Variants in PELI1 observed in about 807,000 individuals in gnomAD.
PELI1 encodes the protein pellino E3 ubiquitin protein ligase 1, also known as E3 ubiquitin-protein ligase pellino homolog 1.
A neutral mutation model predicts 41.3 loss-of-function variants in PELI1; 15 were observed. The ratio of observed to expected loss-of-function variants is 0.36; its 90% confidence interval spans 0.24 to 0.56. The LOEUF (loss-of-function observed/expected upper bound fraction) is 0.56, where lower values mean the gene tolerates loss of function less well. Ranked by LOEUF, PELI1 falls within the 20% of genes least tolerant of loss-of-function variation. The pLI is 0.82. For synonymous variants in PELI1, 178 were observed against 180.1 expected (o/e 0.99, Z 0.09); for missense variants, 403 against 525.5 (o/e 0.77, Z 2.28).
At chr2:64,127,530 C>A (rs1681429072) in intron 1 of PELI1, among the ~76,000 whole-genome samples, 1 of 152,128 alleles carries the variant, frequency 6.6e-6, no homozygotes, top group Admixed American at 6.5e-5. Context: ...TTTCCTCACA[C>A]TATCAGGGAG....
rs141996653 is a variant in PELI1, at chr2:64,104,734, A to G, written c.168T>C (p.Thr56=). 1.7e-3 allele frequency: 2,749 copies of G among 1,609,906 alleles called. 15 individuals are homozygous for G. The highest frequency in any genetic ancestry group is 6.3e-3 in the Middle Eastern group (38 of 6,028). The change falls in exon 3 of 7, where the codon ACT becomes ACC. Residue 56 remains threonine, a synonymous_variant. Coordinates refer to ENST00000358912, the MANE Select transcript of PELI1 (RefSeq NM_020651.4). The stretch of plus-strand genomic sequence containing the variant: ...CCTGAGGAGTACAAGCAATATGCAC[A>G]GTGCTGGGCTTCACCCCATTTGCCT... ...RPKANGVKPS[T]VHIACTPQAA...
intron 1 of PELI1, 111 bp from the exon 2 acceptor site, chr2:64,108,490 G>T (rs1680695966): frequency 6.0e-6 from 3 of 500,612 alleles, no homozygotes; most frequent in Non-Finnish European, 1.1e-5. Context: ...CCATCACAAG[G>T]TATATACATT....
In PELI1 at chr2:64,092,945, T is replaced by A. The variant is rs543567071; in HGVS notation, c.*1757A>T. The stretch of plus-strand genomic sequence containing the variant: ...AATATATAGCCTGAATAAAAATGAC[T>A]AGAACAAATACAACACAGGACTTGC... On this transcript the variant is annotated 3_prime_UTR_variant, in exon 7 of 7. Coordinates refer to ENST00000358912, the MANE Select transcript of PELI1 (RefSeq NM_020651.4). 7 of 152,516 alleles carry A rather than the reference T, an allele frequency of 4.6e-5. 1 individual carries two copies. Among genetic ancestry groups the A allele is most frequent in the Admixed American group, 3.3e-4 (5 of 15,300 alleles). 9.4% of individuals were successfully genotyped at this position (152,516 alleles called of 1,614,324 possible). A position where few individuals can be genotyped will look rare whatever the true frequency, so the allele number is the denominator to read the frequency against.
At chr2:64,142,806 TGTAAGA>T (rs1367876763) in intron 1 of PELI1, among the ~76,000 whole-genome samples, 2 of 152,182 alleles carry the variant, frequency 1.3e-5, no homozygotes, top group African/African-American at 4.8e-5. Flanking sequence ...TATCCTTAAG[TGTAAGA>T]GTAATACATA....
Position 64,093,027 on chromosome 2 carries a change from A to G in PELI1, c.*1675T>C, listed in dbSNP as rs907665467. On this transcript the variant is annotated 3_prime_UTR_variant, in exon 7 of 7. Coordinates refer to ENST00000358912, the MANE Select transcript of PELI1 (RefSeq NM_020651.4). ...TCTAGAAAACTTCAAAATCAATTACATTTCTTTGAAAAAGGGGTAACAGCA... is the reference window on the plus strand; with the variant it reads ...TCTAGAAAACTTCAAAATCAATTACGTTTCTTTGAAAAAGGGGTAACAGCA... 6.6e-6 allele frequency: 1 copy of G among 152,640 alleles called. No homozygotes were observed. The highest frequency in any genetic ancestry group is 1.5e-5 in the Non-Finnish European group (1 of 68,032). 9.5% of individuals were successfully genotyped at this position (152,640 alleles called of 1,614,324 possible). A position where few individuals can be genotyped will look rare whatever the true frequency, so the allele number is the denominator to read the frequency against.
At chr2:64,096,347 G>A in intron 5 of PELI1, 34 bp from the exon 6 acceptor site, 2 of 1,593,748 alleles carry the variant, frequency 1.3e-6, no homozygotes, top group South Asian at 2.2e-5. Flanking sequence ...CTTCCAACTT[G>A]TAACTTGTAA....
intron 1 of PELI1, among the ~76,000 whole-genome samples, chr2:64,134,737 T>C (rs980498198): frequency 1.1e-4 from 17 of 152,136 alleles, no homozygotes; most frequent in African/African-American, 4.1e-4. Context: ...ATGCAGTTCA[T>C]TAAATCTGAA....
chr2:64,138,847 T>A (rs569342761), intron 1 of PELI1, among the ~76,000 whole-genome samples: 1 of 152,224 alleles, frequency 6.6e-6, no homozygotes, highest in Non-Finnish European at 1.5e-5. Context: ...TGTGTAAAAC[T>A]GTTTATTAGG....
At chr2:64,117,312 G>T (rs1681030160) in intron 1 of PELI1, among the ~76,000 whole-genome samples, 1 of 150,500 alleles carries the variant, frequency 6.6e-6, no homozygotes. Flanking sequence ...TCTGTTCTTT[G>T]TAGATAACTT....
chr2:64,115,510 A>G (rs974495872), intron 1 of PELI1, among the ~76,000 whole-genome samples: 3 of 152,132 alleles, frequency 2.0e-5, no homozygotes, highest in Admixed American at 6.6e-5. Flanking sequence ...TCTGAACTCT[A>G]TTTTCCAGAT....
intron 1 of PELI1, among the ~76,000 whole-genome samples, chr2:64,128,766 C>G (rs986130833): frequency 6.6e-6 from 1 of 152,114 alleles, no homozygotes; most frequent in Non-Finnish European, 1.5e-5. Flanking sequence ...CAGCAAGGAT[C>G]TCCTCTATTA....
At chr2:64,112,356 T>G (rs1326750778) in intron 1 of PELI1, among the ~76,000 whole-genome samples, 5 of 152,168 alleles carry the variant, frequency 3.3e-5, no homozygotes, top group Non-Finnish European at 5.9e-5. Flanking sequence ...AAGCGACCAT[T>G]TGGTCCTGAC....
intron 1 of PELI1, among the ~76,000 whole-genome samples, chr2:64,117,286 TAAGA>T (rs1185996320): frequency 6.6e-6 from 1 of 152,202 alleles, no homozygotes; most frequent in Non-Finnish European, 1.5e-5. Flanking sequence ...TTCAGTATCT[TAAGA>T]AATGTTTATA....
intron 1 of PELI1, among the ~76,000 whole-genome samples, chr2:64,120,292 A>G (rs1681163924): frequency 1.3e-5 from 2 of 152,244 alleles, no homozygotes; most frequent in Admixed American, 1.3e-4. Flanking sequence ...ATGCTGTCTC[A>G]GGAAAAGAAC....
chr2:64,118,488 G>C (rs541179607), intron 1 of PELI1, among the ~76,000 whole-genome samples: 9 of 151,872 alleles, frequency 5.9e-5, no homozygotes, highest in Non-Finnish European at 1.2e-4. Context: ...CCTATAGAAA[G>C]AAAAAAAGTT....
chr2:64,100,939 A>G (rs1298445459), intron 3 of PELI1, among the ~76,000 whole-genome samples: 1 of 152,166 alleles, frequency 6.6e-6, no homozygotes, highest in Non-Finnish European at 1.5e-5. Context: ...CATGTTGCCC[A>G]GGCTGGTCTT....
chr2:64,140,808 C>CAAA (rs59589601), intron 1 of PELI1, among the ~76,000 whole-genome samples: 3 of 110,696 alleles, frequency 2.7e-5, no homozygotes, highest in African/African-American at 1.2e-4. Context: ...AACAAACAAA[C>CAAA]AAAAAAAAAC....
intron 1 of PELI1, among the ~76,000 whole-genome samples, chr2:64,116,017 A>T (rs1680978476): frequency 1.3e-5 from 2 of 152,190 alleles, no homozygotes; most frequent in Admixed American, 1.3e-4. Context: ...TTTAAAAATG[A>T]GGACAGAAAG....
intron 1 of PELI1, among the ~76,000 whole-genome samples, chr2:64,111,606 CTG>C (rs981744356): frequency 2.0e-5 from 3 of 152,106 alleles, no homozygotes; most frequent in Non-Finnish European, 2.9e-5. Flanking sequence ...TTCACCATAA[CTG>C]TGATACATCT....
Sources: gnomAD v4.1 joint callset for allele counts (sites outside exome capture counted in the v4.1 genomes callset) on GRCh38, gnomAD v4.1.1 for gene constraint, MANE v1.5 for transcripts, NCBI Gene and HGNC (gene_info 2026-07-23, HGNC 2026-07-21) for gene names.